RBFOX1: variants seen among roughly 807,000 people sequenced by gnomAD.
RBFOX1 encodes the protein RNA binding fox-1 homolog 1.
A neutral mutation model predicts 57.7 loss-of-function variants in RBFOX1; 8 were observed. The observed-to-expected ratio is 0.14, with a 90% CI of 0.08 to 0.25. The LOEUF (loss-of-function observed/expected upper bound fraction) is 0.25, where lower values mean the gene tolerates loss of function less well. RBFOX1 is among the 10% of genes least tolerant of loss of function. The probability of loss-of-function intolerance (pLI) is 1.00; values close to 1 mark genes in which losing one functional copy is unlikely to be tolerated. For missense variants in RBFOX1, 611 were observed against 548.5 expected (o/e 1.11, Z -1.14); for synonymous variants, 326 against 222.4 (o/e 1.47, Z -4.15).
chr16:6,807,486 C>T (rs1170146261), intron 3 of RBFOX1, among the ~76,000 whole-genome samples: 4 of 152,058 alleles, frequency 2.6e-5, no homozygotes, highest in East Asian at 1.9e-4. Context: ...CTGAGTTCTG[C>T]ACTCACTAAT....
intron 3 of RBFOX1, among the ~76,000 whole-genome samples, chr16:6,731,801 C>T (rs886413431): frequency 2.0e-5 from 3 of 152,150 alleles, no homozygotes; most frequent in Non-Finnish European, 2.9e-5. Context: ...TTCCCCACTG[C>T]TGTTTCCTAC....
At chr16:5,611,788 AT>A (rs2047816563) in intron 3 of RBFOX1, among the ~76,000 whole-genome samples, 1 of 111,942 alleles carries the variant, frequency 8.9e-6, no homozygotes, top group Non-Finnish European at 1.9e-5. Flanking sequence ...CCATCCATCC[AT>A]CCATCCACCC....
chr16:5,582,273 C>T (rs747352460), intron 2 of RBFOX1, among the ~76,000 whole-genome samples: 19 of 152,078 alleles, frequency 1.2e-4, no homozygotes, highest in Non-Finnish European at 2.1e-4. Context: ...TGGGGCTGCA[C>T]GGGCCTTCAC....
intron 4 of RBFOX1, among the ~76,000 whole-genome samples, chr16:7,401,073 C>G (rs1200015388): frequency 6.6e-6 from 1 of 152,078 alleles, no homozygotes; most frequent in Admixed American, 6.5e-5. Flanking sequence ...AAATACAGTC[C>G]CAAGACATCC....
At chr16:5,286,647 G>A (rs949391329) in intron 1 of RBFOX1, among the ~76,000 whole-genome samples, 17 of 152,184 alleles carry the variant, frequency 1.1e-4, no homozygotes, top group African/African-American at 4.1e-4. Flanking sequence ...CCAGTCACTC[G>A]TAAGGGGGAT....
At chr16:6,885,276 T>A (rs1464690227) in intron 3 of RBFOX1, among the ~76,000 whole-genome samples, 1 of 152,196 alleles carries the variant, frequency 6.6e-6, no homozygotes, top group East Asian at 1.9e-4. Flanking sequence ...GGAAACTTGC[T>A]ACAGACGCGT....
chr16:7,143,903 ATTACTG>A (rs1157026439), intron 4 of RBFOX1, among the ~76,000 whole-genome samples: 3 of 152,176 alleles, frequency 2.0e-5, no homozygotes, highest in Admixed American at 1.3e-4. Flanking sequence ...CCTAGGAGCT[ATTACTG>A]TAATGTCTAT....
In RBFOX1 at chr16:5,425,298, G is replaced by T; in HGVS notation, c.220-41918G>T. ...TTTTTGTATTTTTAGTAGAGATGTG[G>T]CTTTACCATGTTGGCCAGGCTGGTC... On this transcript the variant is annotated intron_variant, in intron 1 of 2. Coordinates refer to the RBFOX1 transcript ENST00000585867. 1.3e-5 allele frequency among the ~76,000 whole-genome samples: 2 copies of T among 151,970 alleles called. 1 individual carries two copies. Among genetic ancestry groups the T allele is most frequent in the Non-Finnish European group, 2.9e-5 (2 of 68,022 alleles).
intron 10 of RBFOX1, among the ~76,000 whole-genome samples, chr16:7,624,383 G>C (rs1415612993): frequency 2.0e-5 from 3 of 152,186 alleles, no homozygotes; most frequent in African/African-American, 7.2e-5. Flanking sequence ...AGTGAGCAGT[G>C]TGACTAATTA....
chr16:7,463,805 C>G (rs2060000992), intron 4 of RBFOX1, among the ~76,000 whole-genome samples: 1 of 152,136 alleles, frequency 6.6e-6, no homozygotes, highest in Non-Finnish European at 1.5e-5. Flanking sequence ...ACAACAGCTG[C>G]TATTTTTTAA....
intron 3 of RBFOX1, among the ~76,000 whole-genome samples, chr16:6,842,535 G>A (rs552846106): frequency 9.9e-4 from 151 of 152,008 alleles, no homozygotes; most frequent in Non-Finnish European, 1.5e-3. Flanking sequence ...TCAGCTTGAT[G>A]AATATCTGTA....
chr16:6,555,291 G>A (rs932491782), intron 2 of RBFOX1, among the ~76,000 whole-genome samples: 2 of 152,058 alleles, frequency 1.3e-5, no homozygotes, highest in African/African-American at 4.8e-5. Context: ...CTATCCATTG[G>A]GCATGATCAA....
intron 1 of RBFOX1, among the ~76,000 whole-genome samples, chr16:5,289,913 C>A (rs895290363): frequency 2.0e-5 from 3 of 152,220 alleles, no homozygotes; most frequent in African/African-American, 7.2e-5. Flanking sequence ...ATGCAGAAAG[C>A]TGCACACAAA....
intron 3 of RBFOX1, among the ~76,000 whole-genome samples, chr16:6,886,435 G>T (rs148311609): frequency 3.5e-4 from 53 of 152,062 alleles, no homozygotes; most frequent in African/African-American, 1.3e-3. Context: ...GCTATTGATT[G>T]CAAAGGCATT....
intron 1 of RBFOX1, among the ~76,000 whole-genome samples, chr16:6,241,208 G>T (rs1475955780): frequency 2.0e-5 from 3 of 152,172 alleles, no homozygotes; most frequent in Admixed American, 6.5e-5. Flanking sequence ...TTCCCGTTCA[G>T]ACGGGGCACT....
intron 4 of RBFOX1, among the ~76,000 whole-genome samples, chr16:7,273,489 G>A (rs943559591): frequency 4.6e-5 from 7 of 152,090 alleles, no homozygotes; most frequent in Non-Finnish European, 7.4e-5. Context: ...ATTTGATGAT[G>A]ACTTAAGTGG....
chr16:5,991,035 A>G (rs909585840), intron 4 of RBFOX1, among the ~76,000 whole-genome samples: 3 of 152,186 alleles, frequency 2.0e-5, no homozygotes, highest in African/African-American at 7.2e-5. Context: ...AATAAAAAAA[A>G]TGTTTTAATG....
At chr16:6,295,099 G>GTTTTTTTTTTT (rs563055676) in intron 1 of RBFOX1, among the ~76,000 whole-genome samples, 1 of 96,004 alleles carries the variant, frequency 1.0e-5, no homozygotes, top group African/African-American at 4.3e-5. Flanking sequence ...TAAGCAGTGA[G>GTTTTTTTTTTT]TTTTTTTTTT....
At chr16:6,729,239 C>T (rs969924424) in intron 3 of RBFOX1, among the ~76,000 whole-genome samples, 4 of 152,020 alleles carry the variant, frequency 2.6e-5, no homozygotes, top group Admixed American at 2.6e-4. Flanking sequence ...GTCACCAGAC[C>T]CCAGGGATTC....
Sources: allele counts gnomAD v4.1 joint callset (sites outside exome capture counted in the v4.1 genomes callset), GRCh38; gene constraint gnomAD v4.1.1; transcripts MANE v1.5; gene names NCBI Gene and HGNC (gene_info 2026-07-23, HGNC 2026-07-21).